Variants in PTPRQ observed in about 807,000 individuals in gnomAD.
The protein encoded by PTPRQ is protein tyrosine phosphatase receptor type Q, also known as phosphatidylinositol phosphatase PTPRQ.
In PTPRQ, 199 loss-of-function variants were observed where a neutral mutation model predicts 246.0. The observed-to-expected ratio is 0.81, with a 90% CI of 0.72 to 0.91. The LOEUF is 0.91. PTPRQ is among the 40% of genes least tolerant of loss of function. The probability of loss-of-function intolerance (pLI) is 0.00; values close to 1 mark genes in which losing one functional copy is unlikely to be tolerated. For missense variants in PTPRQ, 2,624 were observed against 2,528.4 expected (o/e 1.04, Z -0.81); for synonymous variants, 869 against 853.2 (o/e 1.02, Z -0.32).
At chr12:80,669,318 G>T (rs1256328606) in intron 40 of PTPRQ, 21 bp from the exon 41 acceptor site, 1 of 1,547,742 alleles carries the variant, frequency 6.5e-7, no homozygotes. Context: ...GCTTATGACT[G>T]ATGATTTTCT....
At chr12:80,512,396 T>C (rs1789392654) in intron 17 of PTPRQ, among the ~76,000 whole-genome samples, 1 of 152,158 alleles carries the variant, frequency 6.6e-6, no homozygotes, top group Admixed American at 6.5e-5. Flanking sequence ...GTTCACCCAG[T>C]TTTTCTCTCT....
chr12:80,649,628 CT>C lies in PTPRQ; in HGVS notation c.5986del (p.Cys1996AlafsTer6). The stretch of plus-strand genomic sequence containing the variant: ...ATCCTTCCTGCAACATGTTGAAGAG[CT>C]TTGCACAAACAACAACCTAAAGTTT... ...KKSFLQHVEE[L>X]CTNNNLKFQE... On this transcript the variant is annotated frameshift_variant, in exon 37 of 45. Transcript: ENST00000644991. LOFTEE classifies it high-confidence loss of function. 6.5e-7 allele frequency: 1 copy of C among 1,549,900 alleles called. No individual in the cohort carries two copies. The highest frequency in any genetic ancestry group is 8.7e-7 in the Non-Finnish European group (1 of 1,145,894).
At chr12:80,452,639 G>A (rs1456508519) in intron 3 of PTPRQ, among the ~76,000 whole-genome samples, 2 of 152,090 alleles carry the variant, frequency 1.3e-5, no homozygotes, top group Non-Finnish European at 2.9e-5. Flanking sequence ...TAGTTTGGCT[G>A]GATATGAAAT....
At position 80,533,176 on chromosome 12, in the gene PTPRQ, C is replaced by T. The variant is rs567355890; in HGVS notation, c.2679-839C>T. 5.3e-5 allele frequency among the ~76,000 whole-genome samples: 8 copies of T among 151,978 alleles called. No homozygotes were observed. In the East Asian group the frequency reaches 1.5e-3, roughly 29 times the overall value. On this transcript the variant is annotated intron_variant, in intron 17 of 44. Transcript: ENST00000644991. ...CCTAAAATATAAATAAAAAATAATG[C>T]ACATTTTTCAGCATCACTATACACA... is the stretch of plus-strand genomic sequence containing the variant.
At chr12:80,653,973 A>G (rs12312943) in intron 38 of PTPRQ, among the ~76,000 whole-genome samples, 13,041 of 138,290 alleles carry the variant, frequency 0.094, 740 homozygotes, top group African/African-American at 0.21. Context: ...AACAAGACTC[A>G]GTCAGAGGAA....
rs181249926 is a variant in PTPRQ, at chr12:80,484,320, A to G, written c.1187-113A>G. ...CCGCACCTAGCCTAGTCTGTTTTCT[A>G]ATAGAATTGTTTATATATCTTAAAT... On this transcript the variant is annotated intron_variant, in intron 8 of 44. Transcript: ENST00000644991. 1.4e-4 allele frequency: 182 copies of G among 1,298,402 alleles called. No homozygotes were observed. In the African/African-American group the frequency reaches 2.5e-3, roughly 18 times the overall value. The allele number at this position is 1,298,402 out of a possible 1,614,324, so 80.4% of individuals were successfully genotyped here.
intron 26 of PTPRQ, among the ~76,000 whole-genome samples, chr12:80,601,364 A>G (rs1007382590): frequency 5.9e-5 from 9 of 151,796 alleles, no homozygotes; most frequent in Non-Finnish European, 1.5e-5. Flanking sequence ...CTGTTGCTAA[A>G]TGAAAAGGGT....
At chr12:80,669,515 C>T in intron 41 of PTPRQ, 51 bp downstream of exon 41, 9 of 1,500,950 alleles carry the variant, frequency 6.0e-6, no homozygotes, top group Non-Finnish European at 8.0e-6. Flanking sequence ...TATGATTGAT[C>T]TAAATGTCTA....
At chr12:80,511,278 A>G (rs1351621726) in intron 17 of PTPRQ, among the ~76,000 whole-genome samples, 1 of 151,872 alleles carries the variant, frequency 6.6e-6, no homozygotes, top group Non-Finnish European at 1.5e-5. Flanking sequence ...CCCTTTACAT[A>G]TTTCTCTTTA....
chr12:80,514,554 T>A lies in PTPRQ; in HGVS notation c.2678+4111T>A, dbSNP rs541852894. Among the ~76,000 whole-genome samples, 7 of 143,912 alleles carry A rather than the reference T, an allele frequency of 4.9e-5. No individual in the cohort carries two copies. In the South Asian group the frequency reaches 1.5e-3, roughly 31 times the overall value. The allele number at this position is 143,912 out of a possible 152,430, so 94.4% of individuals were successfully genotyped here. A position where few individuals can be genotyped will look rare whatever the true frequency, so the allele number is the denominator to read the frequency against. Reference sequence around the variant, plus strand: ...AAGTTAGAAACTGTATATATATATATATAAATATATATTATACAAATATAT... The same window carrying A: ...AAGTTAGAAACTGTATATATATATAAATAAATATATATTATACAAATATAT... On this transcript the variant is annotated intron_variant, in intron 17 of 44. Coordinates refer to ENST00000644991, the MANE Select transcript of PTPRQ (RefSeq NM_001145026.2).
intron 17 of PTPRQ, among the ~76,000 whole-genome samples, chr12:80,531,857 C>A (rs1895853961): frequency 6.6e-6 from 1 of 152,030 alleles, no homozygotes; most frequent in Non-Finnish European, 1.5e-5. Context: ...TGGGAGTAAA[C>A]CAAGCTAGAT....
At chr12:80,610,665 A>T (rs1427797471) in intron 28 of PTPRQ, 40 bp downstream of exon 28, 1 of 1,535,950 alleles carries the variant, frequency 6.5e-7, no homozygotes, top group South Asian at 1.2e-5. Flanking sequence ...ATTGACTGAG[A>T]TTTAGCTGGC....
intron 3 of PTPRQ, among the ~76,000 whole-genome samples, chr12:80,454,834 C>T (rs1253827864): frequency 6.6e-6 from 1 of 152,070 alleles, no homozygotes; most frequent in Non-Finnish European, 1.5e-5. Flanking sequence ...TTATTTAATT[C>T]AAACTTAATT....
At chr12:80,601,511 A>G (rs979726173) in intron 26 of PTPRQ, among the ~76,000 whole-genome samples, 2 of 151,890 alleles carry the variant, frequency 1.3e-5, no homozygotes, top group South Asian at 4.1e-4. Context: ...ATTTATTCTC[A>G]AGGCCAACTA....
At chr12:80,585,133 G>A (rs1211826010) in intron 25 of PTPRQ, among the ~76,000 whole-genome samples, 2 of 151,832 alleles carry the variant, frequency 1.3e-5, no homozygotes, top group African/African-American at 4.8e-5. Flanking sequence ...CTCCTTCTGG[G>A]TGTCTGAGAG....
chr12:80,450,900 G>A (rs1892741381), intron 3 of PTPRQ, among the ~76,000 whole-genome samples: 1 of 152,214 alleles, frequency 6.6e-6, no homozygotes, highest in African/African-American at 2.4e-5. Context: ...CATAAAATGA[G>A]TTAGGGAGGA....
At chr12:80,488,703 G>T (rs1894357042) in intron 9 of PTPRQ, among the ~76,000 whole-genome samples, 1 of 151,880 alleles carries the variant, frequency 6.6e-6, no homozygotes, top group South Asian at 2.1e-4. Context: ...ATAACATGAT[G>T]ATTAAACTTA....
At chr12:80,506,450 AT>A in intron 15 of PTPRQ, 118 bp from the exon 16 acceptor site, 1 of 905,120 alleles carries the variant, frequency 1.1e-6, no homozygotes, top group East Asian at 2.7e-5. Context: ...AAAGAATGAC[AT>A]TTTCACTTAG....
chr12:80,580,490 C>A (rs888724120), intron 25 of PTPRQ, among the ~76,000 whole-genome samples: 3 of 152,124 alleles, frequency 2.0e-5, no homozygotes, highest in Non-Finnish European at 2.9e-5. Flanking sequence ...TGAGTGTAAT[C>A]CTTTTTCTAT....
Sources: allele counts gnomAD v4.1 joint callset (sites outside exome capture counted in the v4.1 genomes callset), GRCh38; gene constraint gnomAD v4.1.1; transcripts MANE v1.5; gene names NCBI Gene and HGNC (gene_info 2026-07-23, HGNC 2026-07-21).